Variants in PRKAR1B observed in about 807,000 individuals in gnomAD.
The protein encoded by PRKAR1B is cAMP-dependent protein kinase type I-beta regulatory subunit.
PRKAR1B carries 22 observed loss-of-function variants against 46.5 expected under a neutral mutation model. The ratio of observed to expected loss-of-function variants is 0.47; its 90% confidence interval spans 0.34 to 0.68. The LOEUF (loss-of-function observed/expected upper bound fraction) is 0.68, where lower values mean the gene tolerates loss of function less well. Ranked by LOEUF, PRKAR1B falls within the 30% of genes least tolerant of loss-of-function variation. PRKAR1B has a pLI of 0.01. For missense variants in PRKAR1B, 445 were observed against 535.6 expected (o/e 0.83, Z 1.67); for synonymous variants, 259 against 217.7 (o/e 1.19, Z -1.67).
At chr7:693,187 G>A (rs907137261) in intron 2 of PRKAR1B, among the ~76,000 whole-genome samples, 15 of 151,126 alleles carry the variant, frequency 9.9e-5, no homozygotes, top group East Asian at 1.9e-4. Context: ...CTCCTGCCTC[G>A]GCCTCCCAAG....
chr7:684,370 G>A (rs1339666207), intron 2 of PRKAR1B, among the ~76,000 whole-genome samples: 1 of 152,214 alleles, frequency 6.6e-6, no homozygotes, highest in Non-Finnish European at 1.5e-5. Flanking sequence ...GATGGAAAGT[G>A]CACGTTTCCT....
rs1283505806 is a variant in PRKAR1B at position 602,510 on chromosome 7, G to C, written c.549+3683C>G. 5.9e-6 allele frequency: 1 copy of C among 169,354 alleles called. No homozygotes were observed. The highest frequency in any genetic ancestry group is 1.5e-5 in the Non-Finnish European group (1 of 68,426). The allele number at this position is 169,354 out of a possible 1,614,324, so 10.5% of individuals were successfully genotyped here. On this transcript the variant is annotated intron_variant, in intron 6 of 10. Coordinates refer to ENST00000537384, the MANE Select transcript of PRKAR1B (RefSeq NM_001164760.2). The surrounding 1 kb of genome is among the most constrained non-coding windows in gnomAD (Gnocchi z 6.4). ...GCCAACGGCGGAAAGACAGGGACCT[G>C]ATCCCTCCAGCAGTCCCAGCCGCCG...
chr7:554,179 G>A (rs984600477), intron 9 of PRKAR1B, among the ~76,000 whole-genome samples: 3 of 152,218 alleles, frequency 2.0e-5, no homozygotes, highest in Non-Finnish European at 2.9e-5. Flanking sequence ...TGAAGCCACC[G>A]GCCCCAGCCT....
intron 4 of PRKAR1B, among the ~76,000 whole-genome samples, chr7:664,128 G>A (rs1237222721): frequency 2.0e-5 from 3 of 152,076 alleles, no homozygotes; most frequent in Non-Finnish European, 2.9e-5. Context: ...CCTTCCCTTC[G>A]CCTGGCCTCT....
chr7:715,882 A>C (rs953531422), intron 1 of PRKAR1B, among the ~76,000 whole-genome samples: 2 of 151,522 alleles, frequency 1.3e-5, no homozygotes, highest in Non-Finnish European at 2.9e-5. Flanking sequence ...CGCCCGGCTA[A>C]TTTTTTGTAT....
At chr7:580,702 A>G (rs1196363241) in intron 8 of PRKAR1B, among the ~76,000 whole-genome samples, 5 of 151,386 alleles carry the variant, frequency 3.3e-5, no homozygotes, top group African/African-American at 9.7e-5. Context: ...GTCAGATTTT[A>G]TAAGAAAATA....
intron 4 of PRKAR1B, among the ~76,000 whole-genome samples, chr7:616,112 G>A (rs937329164): frequency 3.3e-5 from 5 of 152,166 alleles, no homozygotes; most frequent in African/African-American, 9.7e-5. Context: ...CCTGCCCGCG[G>A]GTGCACACGC....
intron 9 of PRKAR1B, among the ~76,000 whole-genome samples, chr7:569,183 C>T (rs972786781): frequency 2.0e-5 from 3 of 152,168 alleles, no homozygotes; most frequent in Admixed American, 2.0e-4. Flanking sequence ...AGTCCGCAAG[C>T]GGCATTTTAC....
chr7:615,570 G>A (rs1444850305), intron 4 of PRKAR1B, among the ~76,000 whole-genome samples: 1 of 151,800 alleles, frequency 6.6e-6, no homozygotes, highest in East Asian at 1.9e-4. Context: ...GGGTGCGGTG[G>A]CTCATGCCTG....
At chr7:706,650 C>T (rs1007363424) in intron 2 of PRKAR1B, among the ~76,000 whole-genome samples, 17 of 145,490 alleles carry the variant, frequency 1.2e-4, no homozygotes, top group African/African-American at 4.3e-4. Context: ...TGGTCTCGAT[C>T]TCCTGACCTC....
At chr7:647,963 C>T (rs1173671351) in intron 4 of PRKAR1B, among the ~76,000 whole-genome samples, 1 of 151,760 alleles carries the variant, frequency 6.6e-6, no homozygotes, top group Non-Finnish European at 1.5e-5. Context: ...TCGAGCAACA[C>T]ATCAAGACCC....
In PRKAR1B at chr7:688,416, A is replaced by AT. The variant is rs1554303795; in HGVS notation, c.178-7691_178-7690insA. ...GAGACTCCATCTCAAAAAAAAAAAA[A>AT]ATACAAGACAGATTGCACACTCCCC... On this transcript the variant is annotated intron_variant, in intron 2 of 10. Transcript: ENST00000537384. Among the ~76,000 whole-genome samples, 443 of 151,826 alleles carry AT rather than the reference A, an allele frequency of 2.9e-3. 5 individuals are homozygous for AT. Among genetic ancestry groups the AT allele is most frequent in the African/African-American group, 0.01 (428 of 41,360 alleles).
At chr7:687,599 T>G (rs917620061) in intron 2 of PRKAR1B, among the ~76,000 whole-genome samples, 6 of 152,180 alleles carry the variant, frequency 3.9e-5, no homozygotes, top group Non-Finnish European at 7.3e-5. Context: ...CCAGTTTATG[T>G]GAATTCGAGT....
intron 7 of PRKAR1B, among the ~76,000 whole-genome samples, chr7:589,582 G>A (rs551633265): frequency 8.5e-5 from 13 of 152,218 alleles, no homozygotes; most frequent in Admixed American, 5.2e-4. Flanking sequence ...GCTCAGGGTC[G>A]GTGTGGCCTG....
intron 6 of PRKAR1B, among the ~76,000 whole-genome samples, chr7:597,996 T>C (rs995653776): frequency 2.6e-5 from 4 of 152,202 alleles, no homozygotes; most frequent in Admixed American, 2.6e-4. Flanking sequence ...GCTCACCCTG[T>C]GGGTCTCACC....
intron 2 of PRKAR1B, among the ~76,000 whole-genome samples, chr7:695,751 C>T (rs1779700295): frequency 2.0e-5 from 3 of 151,924 alleles, no homozygotes; most frequent in Admixed American, 2.0e-4. Flanking sequence ...GCAAGCTCCG[C>T]CTCCCGGGTT....
chr7:715,970 C>T (rs1780866966), intron 1 of PRKAR1B, among the ~76,000 whole-genome samples: 1 of 152,156 alleles, frequency 6.6e-6, no homozygotes, highest in African/African-American at 2.4e-5. Context: ...CCGCCTTGGC[C>T]TCCCAAAGTG....
In PRKAR1B at chr7:602,004, G is replaced by A. The variant is rs896700848; in HGVS notation, c.549+4189C>T. Among the ~76,000 whole-genome samples the A allele has an allele frequency of 2.5e-4, 38 of 152,254 alleles. No individual in the cohort carries two copies. The highest frequency in any genetic ancestry group is 8.7e-4 in the African/African-American group (36 of 41,552). On this transcript the variant is annotated intron_variant, in intron 6 of 10. Coordinates refer to ENST00000537384, the MANE Select transcript of PRKAR1B (RefSeq NM_001164760.2). This position sits in a 1 kb window ranked among gnomAD's most constrained non-coding sequence, Gnocchi z 6.4. ...ATTTGGGGAACTCCAGTTACACGAG[G>A]GTGACCTCACTCTTTCCTTTCTCAA...
At position 593,157 on chromosome 7, in the gene PRKAR1B, G is replaced by A. The variant is rs1781081815; in HGVS notation, c.708+2989C>T. The stretch of plus-strand genomic sequence containing the variant: ...CACCCCATCCTTCCTCGGATAAAAC[G>A]TGAAGCGGTGGAGGAAAGAGACGGG... On this transcript the variant is annotated intron_variant, in intron 7 of 10. Transcript: ENST00000537384. This position sits in a 1 kb window ranked among gnomAD's most constrained non-coding sequence, Gnocchi z 6.1. 6.6e-6 allele frequency among the ~76,000 whole-genome samples: 1 copy of A among 152,202 alleles called. No homozygotes were observed. Among genetic ancestry groups the A allele is most frequent in the African/African-American group, 2.4e-5 (1 of 41,448 alleles).
Sources: gnomAD v4.1 joint callset for allele counts (sites outside exome capture counted in the v4.1 genomes callset) on GRCh38, gnomAD v4.1.1 for gene constraint, Gnocchi (gnomAD v3.1) non-coding constraint, MANE v1.5 for transcripts, NCBI Gene and HGNC (gene_info 2026-07-23, HGNC 2026-07-21) for gene names.